CNTNAP2: variants seen among roughly 807,000 people sequenced by gnomAD.
CNTNAP2 encodes contactin associated protein 2, also known as contactin-associated protein-like 2.
CNTNAP2 carries 98 observed loss-of-function variants against 155.2 expected under a neutral mutation model. That is an observed-to-expected ratio of 0.63 (90% CI 0.54 to 0.75). CNTNAP2 has a LOEUF of 0.75. CNTNAP2 is among the 30% of genes least tolerant of loss of function. The pLI is 0.00. For missense variants in CNTNAP2, 1,727 were observed against 1,688.1 expected (o/e 1.02, Z -0.40); for synonymous variants, 651 against 631.2 (o/e 1.03, Z -0.47).
chr7:146,843,737 A>G (rs985866184), intron 3 of CNTNAP2, among the ~76,000 whole-genome samples: 13 of 151,878 alleles, frequency 8.6e-5, no homozygotes, highest in African/African-American at 2.9e-4. Context: ...ACAAATTTCA[A>G]AAAAAAGTAC....
intron 1 of CNTNAP2, among the ~76,000 whole-genome samples, chr7:146,714,596 A>T (rs1404520185): frequency 6.6e-6 from 1 of 152,224 alleles, no homozygotes; most frequent in African/African-American, 2.4e-5. Context: ...CTTGAAGTGT[A>T]TACCTATAGG....
At chr7:146,986,655 C>T (rs150269272) in intron 3 of CNTNAP2, among the ~76,000 whole-genome samples, 216 of 152,216 alleles carry the variant, frequency 1.4e-3, no homozygotes, top group South Asian at 4.8e-3. Flanking sequence ...ACTCCATCCA[C>T]GCCAACATCT....
chr7:146,293,269 G>T (rs768509896), intron 1 of CNTNAP2, among the ~76,000 whole-genome samples: 2 of 152,000 alleles, frequency 1.3e-5, no homozygotes, highest in African/African-American at 2.4e-5. Flanking sequence ...AGAAAATTTA[G>T]GTTTATGAGA....
intron 9 of CNTNAP2, among the ~76,000 whole-genome samples, chr7:147,308,770 G>C (rs1231548279): frequency 6.6e-6 from 1 of 152,150 alleles, no homozygotes; most frequent in Non-Finnish European, 1.5e-5. Context: ...CCAGCGTCCT[G>C]TCTCTTCTAG....
At chr7:147,894,004 C>G (rs1489551894) in intron 13 of CNTNAP2, among the ~76,000 whole-genome samples, 1 of 152,194 alleles carries the variant, frequency 6.6e-6, no homozygotes, top group Non-Finnish European at 1.5e-5. Context: ...CCGGCTTGAT[C>G]TTCCAAATTA....
chr7:148,398,655 G>T (rs1355085576), intron 22 of CNTNAP2, among the ~76,000 whole-genome samples: 1 of 152,148 alleles, frequency 6.6e-6, no homozygotes. Flanking sequence ...AAATGATGAA[G>T]CGCATCTCTT....
intron 1 of CNTNAP2, among the ~76,000 whole-genome samples, chr7:146,716,893 G>C (rs898598856): frequency 5.3e-5 from 8 of 152,174 alleles, no homozygotes; most frequent in Non-Finnish European, 1.0e-4. Context: ...TACAGTATTT[G>C]ATAATAAAAT....
chr7:146,420,078 G>A (rs987033117), intron 1 of CNTNAP2, among the ~76,000 whole-genome samples: 3 of 152,074 alleles, frequency 2.0e-5, no homozygotes, highest in African/African-American at 7.2e-5. Flanking sequence ...GAGCTCTGTT[G>A]AATAACTTTT....
intron 14 of CNTNAP2, among the ~76,000 whole-genome samples, chr7:147,935,818 C>T (rs764067889): frequency 3.3e-5 from 5 of 152,050 alleles, no homozygotes; most frequent in Admixed American, 6.5e-5. Flanking sequence ...TGCTTAAAAA[C>T]AACTATATGT....
chr7:146,770,347 C>A (rs1322521569), intron 1 of CNTNAP2, among the ~76,000 whole-genome samples: 10 of 149,138 alleles, frequency 6.7e-5, no homozygotes, highest in African/African-American at 2.5e-4. Flanking sequence ...CACACACACA[C>A]ACATATACAT....
chr7:147,659,268 T>G (rs543999277), intron 13 of CNTNAP2, among the ~76,000 whole-genome samples: 1 of 152,312 alleles, frequency 6.6e-6, no homozygotes, highest in Non-Finnish European at 1.5e-5. Flanking sequence ...AACTTGAATT[T>G]TTGCTCCCCA....
intron 3 of CNTNAP2, among the ~76,000 whole-genome samples, chr7:147,029,196 C>T (rs745616951): frequency 9.2e-5 from 14 of 151,964 alleles, no homozygotes; most frequent in Non-Finnish European, 2.1e-4. Context: ...ATCTCCTGAC[C>T]TCATGATCCA....
At chr7:146,309,487 C>G (rs574092854) in intron 1 of CNTNAP2, among the ~76,000 whole-genome samples, 1 of 152,216 alleles carries the variant, frequency 6.6e-6, no homozygotes, top group African/African-American at 2.4e-5. Flanking sequence ...CACACTAATT[C>G]TAAATCAGAC....
intron 8 of CNTNAP2, among the ~76,000 whole-genome samples, chr7:147,152,881 G>A (rs770953504): frequency 7.2e-5 from 11 of 152,038 alleles, no homozygotes; most frequent in Non-Finnish European, 1.3e-4. Flanking sequence ...AGGATTACAC[G>A]GCTATGCACT....
intron 3 of CNTNAP2, among the ~76,000 whole-genome samples, chr7:146,993,604 T>G (rs1438636558): frequency 6.6e-6 from 1 of 152,132 alleles, no homozygotes; most frequent in Non-Finnish European, 1.5e-5. Context: ...ACATTCCTGG[T>G]GGAGAGCAGG....
intron 10 of CNTNAP2, among the ~76,000 whole-genome samples, chr7:147,472,789 A>G (rs1798248213): frequency 6.6e-6 from 1 of 152,216 alleles, no homozygotes; most frequent in Non-Finnish European, 1.5e-5. Flanking sequence ...GGTGCCATGA[A>G]CTGTGATGAG....
chr7:148,018,388 G>A (rs1204979140), intron 15 of CNTNAP2, among the ~76,000 whole-genome samples: 1 of 152,096 alleles, frequency 6.6e-6, no homozygotes, highest in African/African-American at 2.4e-5. Flanking sequence ...TCTGTGCTGG[G>A]GGCAGAAATT....
In CNTNAP2 at chr7:146,761,745, A is replaced by G. The variant is rs143765139; in HGVS notation, c.98-12526A>G. 6.5e-3 allele frequency among the ~76,000 whole-genome samples: 990 copies of G among 151,828 alleles called. 14 individuals carry two copies. Among genetic ancestry groups the G allele is most frequent in the African/African-American group, 0.023 (931 of 41,366 alleles). ...CTCCTCCCTTTGTTCACTCCTTTCA[A>G]TTGCGATTATCCCATTGCTTATAGC... On this transcript the variant is annotated intron_variant, in intron 1 of 23. Transcript: ENST00000361727.
chr7:147,398,589 C>CTTTTTTTTTTTTTTTTTT (rs58507416), intron 10 of CNTNAP2, among the ~76,000 whole-genome samples: 1 of 87,734 alleles, frequency 1.1e-5, no homozygotes, highest in African/African-American at 4.5e-5. Flanking sequence ...ACGATTTGAA[C>CTTTTTTTTTTTTTTTTTT]TTTTTTTTTT....
Sources: gnomAD v4.1 joint callset for allele counts (sites outside exome capture counted in the v4.1 genomes callset) on GRCh38, gnomAD v4.1.1 for gene constraint, MANE v1.5 for transcripts, NCBI Gene and HGNC (gene_info 2026-07-23, HGNC 2026-07-21) for gene names.